Variants in PTPRK observed in about 807,000 individuals in gnomAD.
The protein encoded by PTPRK is receptor-type tyrosine-protein phosphatase kappa.
Under a neutral mutation model 178.0 loss-of-function variants are expected in PTPRK, and 75 were observed. The ratio of observed to expected loss-of-function variants is 0.42; its 90% CI spans 0.35 to 0.51. PTPRK has a LOEUF of 0.51. Among genes scored for constraint, PTPRK ranks in the 20% least tolerant of loss-of-function variants. The pLI is 0.02. For missense variants in PTPRK, 1,441 were observed against 1,797.8 expected (o/e 0.80, Z 3.59); for synonymous variants, 637 against 620.6 (o/e 1.03, Z -0.39).
intron 3 of PTPRK, among the ~76,000 whole-genome samples, chr6:128,306,705 G>C (rs923117572): frequency 6.6e-6 from 1 of 152,080 alleles, no homozygotes; most frequent in African/African-American, 2.4e-5. Flanking sequence ...GCTGAGGCAG[G>C]GAGGATCACT....
chr6:128,220,283 A>G (rs538892739), intron 5 of PTPRK, among the ~76,000 whole-genome samples: 40 of 152,344 alleles, frequency 2.6e-4, no homozygotes, highest in African/African-American at 9.4e-4. Flanking sequence ...AAGATAACTC[A>G]ATCAAAAGTG....
intron 7 of PTPRK, among the ~76,000 whole-genome samples, chr6:128,179,480 C>A (rs1801587214): frequency 1.3e-5 from 2 of 151,636 alleles, no homozygotes; most frequent in Non-Finnish European, 2.9e-5. Context: ...TTTTTTATTT[C>A]AATAATAATA....
chr6:128,419,993 G>C (rs1843299054), intron 1 of PTPRK, among the ~76,000 whole-genome samples: 1 of 152,206 alleles, frequency 6.6e-6, no homozygotes, highest in African/African-American at 2.4e-5. Context: ...TAGCTGTCTA[G>C]TACTAAAGCC....
At chr6:128,138,013 G>C (rs1019121425) in intron 7 of PTPRK, among the ~76,000 whole-genome samples, 18 of 152,064 alleles carry the variant, frequency 1.2e-4, no homozygotes, top group Middle Eastern at 3.4e-3. Context: ...ACAGATATTT[G>C]ACTTACAAAA....
intron 2 of PTPRK, among the ~76,000 whole-genome samples, chr6:128,346,946 A>C (rs1832510059): frequency 6.6e-6 from 1 of 152,298 alleles, no homozygotes; most frequent in African/African-American, 2.4e-5. Flanking sequence ...TCTGATCTTA[A>C]GTGACAATAC....
At chr6:128,310,016 G>A (rs1054549629) in intron 3 of PTPRK, among the ~76,000 whole-genome samples, 1 of 152,052 alleles carries the variant, frequency 6.6e-6, no homozygotes, top group Non-Finnish European at 1.5e-5. Context: ...AAATGCAAAG[G>A]TACTAGACAA....
chr6:128,075,172 T>C (rs1398754515), intron 11 of PTPRK, among the ~76,000 whole-genome samples: 1 of 152,036 alleles, frequency 6.6e-6, no homozygotes, highest in Non-Finnish European at 1.5e-5. Flanking sequence ...TGCATTTCCA[T>C]TGCTACTTTC....
chr6:128,252,735 T>G (rs1452114732), intron 3 of PTPRK, among the ~76,000 whole-genome samples: 1 of 152,110 alleles, frequency 6.6e-6, no homozygotes, highest in Non-Finnish European at 1.5e-5. Flanking sequence ...GAGCCCCAAC[T>G]CTGAGCCACA....
intron 3 of PTPRK, among the ~76,000 whole-genome samples, chr6:128,313,326 T>C (rs17055618): frequency 0.091 from 13,815 of 152,166 alleles, 762 homozygotes; most frequent in African/African-American, 0.15. Context: ...TGTTATATTG[T>C]CTTTATGGGA....
At chr6:128,193,661 T>C (rs1804306761) in intron 6 of PTPRK, among the ~76,000 whole-genome samples, 1 of 152,228 alleles carries the variant, frequency 6.6e-6, no homozygotes, top group South Asian at 2.1e-4. Flanking sequence ...ATGACATGGC[T>C]CTTTCCTGCT....
intron 1 of PTPRK, among the ~76,000 whole-genome samples, chr6:128,402,424 T>C (rs568523903): frequency 6.6e-6 from 1 of 152,230 alleles, no homozygotes; most frequent in South Asian, 2.1e-4. Flanking sequence ...ATCTAATTTT[T>C]GTATTTTTAG....
chr6:128,334,822 GGCTCA>G (rs1432143768), intron 2 of PTPRK, among the ~76,000 whole-genome samples: 3 of 152,174 alleles, frequency 2.0e-5, no homozygotes, highest in African/African-American at 7.2e-5. Context: ...CAAGCGCGGT[GGCTCA>G]CGCCTGTAAT....
intron 5 of PTPRK, among the ~76,000 whole-genome samples, chr6:128,232,671 AC>A (rs1022563043): frequency 6.6e-6 from 1 of 151,468 alleles, no homozygotes; most frequent in Non-Finnish European, 1.5e-5. Flanking sequence ...TAAATAAGTC[AC>A]TTACCTAATC....
chr6:128,254,532 T>C (rs1174118840), intron 3 of PTPRK, among the ~76,000 whole-genome samples: 4 of 152,178 alleles, frequency 2.6e-5, no homozygotes, highest in South Asian at 2.1e-4. Flanking sequence ...TCTTAAAACA[T>C]ATATTTAAAA....
chr6:128,107,601 G>C (rs1789934507), intron 7 of PTPRK, among the ~76,000 whole-genome samples: 1 of 152,096 alleles, frequency 6.6e-6, no homozygotes, highest in Non-Finnish European at 1.5e-5. Flanking sequence ...AGAATGATCA[G>C]TTATTTCATC....
chr6:128,470,033 G>T (rs946378357), intron 1 of PTPRK, among the ~76,000 whole-genome samples: 1 of 152,064 alleles, frequency 6.6e-6, no homozygotes, highest in African/African-American at 2.4e-5. Flanking sequence ...GTTTTACGCC[G>T]CTAACTTTGT....
intron 7 of PTPRK, among the ~76,000 whole-genome samples, chr6:128,176,020 G>A (rs1583336163): frequency 1.3e-5 from 2 of 151,752 alleles, no homozygotes; most frequent in East Asian, 3.9e-4. Context: ...AAAATTAGCT[G>A]GAGGAGAGAG....
At chr6:128,508,416 G>A (rs1345493196) in intron 1 of PTPRK, among the ~76,000 whole-genome samples, 3 of 152,138 alleles carry the variant, frequency 2.0e-5, no homozygotes, top group African/African-American at 7.2e-5. Flanking sequence ...GCAAGAGCAT[G>A]TTCTAGCTTA....
chr6:128,158,565 C>T (rs1343973412), intron 7 of PTPRK, among the ~76,000 whole-genome samples: 1 of 151,718 alleles, frequency 6.6e-6, no homozygotes, highest in East Asian at 1.9e-4. Context: ...AAAGTCTGAA[C>T]GTTTGGTTCA....
Sources: gnomAD v4.1 joint callset for allele counts (sites outside exome capture counted in the v4.1 genomes callset) on GRCh38, gnomAD v4.1.1 for gene constraint, MANE v1.5 for transcripts, NCBI Gene and HGNC (gene_info 2026-07-23, HGNC 2026-07-21) for gene names.